OSMR: variants seen among roughly 807,000 people sequenced by gnomAD.
The protein encoded by OSMR is oncostatin-M-specific receptor subunit beta.
In OSMR, 81 loss-of-function variants were observed where a neutral mutation model predicts 99.9. The ratio of observed to expected loss-of-function variants is 0.81; its 90% CI spans 0.68 to 0.97. The LOEUF (loss-of-function observed/expected upper bound fraction) is 0.97. OSMR is among the 50% of genes least tolerant of loss of function. The pLI, the probability that OSMR is intolerant of heterozygous loss-of-function variation, is 0.00. For synonymous variants in OSMR, 406 were observed against 410.4 expected, an observed-to-expected ratio of 0.99 and a Z score of 0.13; for missense variants, 1,099 against 1,153.4, an observed-to-expected ratio of 0.95 and a Z score of 0.68.
intron 2 of OSMR, among the ~76,000 whole-genome samples, chr5:38,870,489 G>A (rs973361057): frequency 3.3e-5 from 5 of 151,920 alleles, no homozygotes; most frequent in South Asian, 4.2e-4. Context: ...ACGCCACCAC[G>A]CCCAGCTAAT....
downstream of OSMR, chr5:38,945,138 T>TA: frequency 9.7e-7 from 1 of 1,033,794 alleles, no homozygotes; most frequent in Non-Finnish European, 1.4e-6. Context: ...CATTGCATGC[T>TA]AAAAAGAAAT....
intron 7 of OSMR, among the ~76,000 whole-genome samples, chr5:38,891,342 T>C (rs1404156618): frequency 2.0e-5 from 3 of 152,228 alleles, no homozygotes; most frequent in Non-Finnish European, 4.4e-5. Context: ...GCTTTGTTTC[T>C]AGTTCAAGAG....
chr5:38,874,820 T>G (rs755933794), intron 2 of OSMR, among the ~76,000 whole-genome samples: 2 of 152,240 alleles, frequency 1.3e-5, no homozygotes, highest in Non-Finnish European at 2.9e-5. Context: ...GAGCTTGAGT[T>G]TCCTTATCTA....
Position 38,931,924 on chromosome 5 carries a change from G to A in OSMR, c.2254G>A (p.Val752Ile), listed in dbSNP as rs145073771. The A allele has an allele frequency of 2.4e-5, 39 of 1,613,510 alleles. No individual in the cohort carries two copies. The highest frequency in any genetic ancestry group is 9.3e-5 in the African/African-American group (7 of 74,884). Residue 752 changes from valine to isoleucine, a missense_variant, in exon 16 of 18, where the codon GTC becomes ATC. Val to Ile is a conservative substitution (Grantham distance 29, BLOSUM62 3). Coordinates refer to ENST00000274276, the MANE Select transcript of OSMR (RefSeq NM_003999.3). ...IHILLPMVFC[V>I]LLIMVMCYLK... ...TATCCTACTGCCCATGGTTTTCTGC[G>A]TCTTGCTCATCATGGTCATGTGCTA...
intron 2 of OSMR, among the ~76,000 whole-genome samples, chr5:38,875,674 A>G (rs1185053282): frequency 6.6e-6 from 1 of 152,192 alleles, no homozygotes; most frequent in Non-Finnish European, 1.5e-5. Context: ...AATACCTGGT[A>G]TGTTGCTGGT....
chr5:38,851,082 T>C (rs1740313110), intron 1 of OSMR, among the ~76,000 whole-genome samples: 1 of 152,162 alleles, frequency 6.6e-6, no homozygotes, highest in Admixed American at 6.5e-5. Context: ...TACCATGGGT[T>C]GGACTGGAAA....
At chr5:38,923,294 G>A in intron 13 of OSMR, 40 bp downstream of exon 13, 2 of 1,229,664 alleles carry the variant, frequency 1.6e-6, no homozygotes, top group Non-Finnish European at 2.4e-6. Context: ...GTGCAGACTT[G>A]TTCAGAACAA....
At chr5:38,846,904 C>T (rs950195338) in intron 1 of OSMR, among the ~76,000 whole-genome samples, 2 of 152,204 alleles carry the variant, frequency 1.3e-5, no homozygotes, top group Admixed American at 1.3e-4. Flanking sequence ...ACCCCTGACA[C>T]CGCGATTCCT....
chr5:38,881,546 A>C, intron 3 of OSMR, 47 bp from the exon 4 acceptor site: 1 of 1,613,936 alleles, frequency 6.2e-7, no homozygotes, highest in Non-Finnish European at 8.5e-7. Context: ...GCTATTTTAT[A>C]GGACAAGATG....
chr5:38,864,667 C>G (rs1038076997), intron 1 of OSMR, among the ~76,000 whole-genome samples: 17 of 151,318 alleles, frequency 1.1e-4, no homozygotes, highest in African/African-American at 4.1e-4. Context: ...ATGCTTTTCT[C>G]TTTCTTTTTA....
intron 7 of OSMR, among the ~76,000 whole-genome samples, chr5:38,888,330 G>T (rs1743932764): frequency 6.7e-6 from 1 of 150,226 alleles, no homozygotes; most frequent in Non-Finnish European, 1.5e-5. Context: ...ACATGTTGGG[G>T]CAAGGAAGAA....
chr5:38,881,819 G>A (rs1743313082), intron 4 of OSMR, 55 bp downstream of exon 4: 3 of 1,447,768 alleles, frequency 2.1e-6, no homozygotes, highest in African/African-American at 2.8e-5. Flanking sequence ...TTTTAATGAG[G>A]AGCAATAGTC....
At chr5:38,849,671 T>C (rs1273108538) in intron 1 of OSMR, among the ~76,000 whole-genome samples, 2 of 152,234 alleles carry the variant, frequency 1.3e-5, no homozygotes, top group Non-Finnish European at 2.9e-5. Flanking sequence ...TTGTTAGCAA[T>C]TTTTAATGCT....
rs368602795 is a variant in OSMR, at chr5:38,904,310, T to C, written c.1135-43T>C. On this transcript the variant is annotated intron_variant, in intron 8 of 17. Transcript: ENST00000274276. ...TGCACTCACCAATGTTTCTGTCTTG[T>C]TCTTTTCTCTTTTTTCTTTTCTTCT... 13 of 1,589,970 alleles carry C rather than the reference T, an allele frequency of 8.2e-6. No individual in the cohort carries two copies. The East Asian group carries it at 3.0e-4, about 37-fold the overall frequency.
chr5:38,922,569 G>A (rs1746284751), intron 12 of OSMR, among the ~76,000 whole-genome samples: 1 of 152,144 alleles, frequency 6.6e-6, no homozygotes, highest in African/African-American at 2.4e-5. Context: ...GTATGCACAT[G>A]GATACAGGCA....
chr5:38,886,195 G>A lies in OSMR; in HGVS notation c.991+5G>A. 6.2e-7 allele frequency: 1 copy of A among 1,614,064 alleles called. No homozygotes were observed. The highest frequency in any genetic ancestry group is 8.5e-7 in the Non-Finnish European group (1 of 1,179,938). On this transcript the variant is annotated splice_donor_5th_base_variant and intron_variant, in intron 7 of 17. Transcript: ENST00000274276. Reference sequence around the variant, plus strand: ...TTTTTAACCTGACTCATCGAGGTGAGACTAGAGTTGTCACAGCCCACCGTG... The same window carrying A: ...TTTTTAACCTGACTCATCGAGGTGAAACTAGAGTTGTCACAGCCCACCGTG...
chr5:38,904,611 CAG>C, intron 9 of OSMR, 108 bp downstream of exon 9: 2 of 1,348,170 alleles, frequency 1.5e-6, no homozygotes, highest in Non-Finnish European at 2.1e-6. Context: ...AATATTTAAA[CAG>C]AGGCGGGGTA....
chr5:38,885,609 A>T, intron 6 of OSMR, 125 bp downstream of exon 6: 1 of 1,291,934 alleles, frequency 7.7e-7, no homozygotes, highest in Non-Finnish European at 1.1e-6. Context: ...ACCACCTGCC[A>T]AGGTCAAGAG....
At chr5:38,869,199 A>G (rs1202985964) in intron 2 of OSMR, 82 bp downstream of exon 2, 7 of 1,037,954 alleles carry the variant, frequency 6.7e-6, no homozygotes, top group Non-Finnish European at 1.1e-5. Flanking sequence ...AAAGTTAAAC[A>G]GTTCTTTTTT....
Sources: allele counts gnomAD v4.1 joint callset (sites outside exome capture counted in the v4.1 genomes callset), GRCh38; gene constraint gnomAD v4.1.1; transcripts MANE v1.5; gene names NCBI Gene and HGNC (gene_info 2026-07-23, HGNC 2026-07-21).